The following PTK2 variants were observed in gnomAD, a reference collection of about 807,000 sequenced individuals.
PTK2 encodes the protein protein tyrosine kinase 2.
Under a neutral mutation model 150.1 loss-of-function variants are expected in PTK2, and 45 were observed. That is an observed-to-expected ratio of 0.30 (90% confidence interval 0.24 to 0.38). The LOEUF is 0.38. Ranked by LOEUF, PTK2 falls within the 10% of genes least tolerant of loss-of-function variation. The pLI, the probability that PTK2 is intolerant of heterozygous loss-of-function variation, is 1.00. For synonymous variants in PTK2, 432 were observed against 449.2 expected (o/e 0.96, Z 0.48); for missense variants, 919 against 1,307.3 (o/e 0.70, Z 4.58).
At chr8:140,744,903 G>T (rs879352837) in intron 18 of PTK2, 136 bp from the exon 22 acceptor site, 6 of 467,062 alleles carry the variant, frequency 1.3e-5, no homozygotes, top group Non-Finnish European at 1.9e-5. Context: ...ATGGCTTCAA[G>T]TCTCTTCTAA....
At chr8:140,673,686 T>G (rs56916892) in intron 29 of PTK2, among the ~76,000 whole-genome samples, 1 of 151,932 alleles carries the variant, frequency 6.6e-6, no homozygotes, top group Non-Finnish European at 1.5e-5. Context: ...TGAGGGCTGG[T>G]GGGGACCCAG....
At chr8:140,899,586 C>A (rs1288219572) in intron 2 of PTK2, among the ~76,000 whole-genome samples, 1 of 152,128 alleles carries the variant, frequency 6.6e-6, no homozygotes, top group South Asian at 2.1e-4. Flanking sequence ...GAGAATATTT[C>A]CAAAATCATT....
At chr8:140,903,162 T>C (rs11776530) in intron 2 of PTK2, among the ~76,000 whole-genome samples, 2 of 151,958 alleles carry the variant, frequency 1.3e-5, no homozygotes, top group African/African-American at 4.8e-5. Flanking sequence ...TTGTATAAGG[T>C]GTAAGGAAGG....
chr8:140,972,382 G>A (rs8180999), intron 1 of PTK2, among the ~76,000 whole-genome samples: 63,454 of 151,814 alleles, frequency 0.42, 15,179 homozygotes, highest in Non-Finnish European at 0.55. Flanking sequence ...CACCTGCCTC[G>A]GCCTCCCGAG....
At chr8:140,729,771 G>A (rs1419462820) in intron 22 of PTK2, among the ~76,000 whole-genome samples, 2 of 152,128 alleles carry the variant, frequency 1.3e-5, no homozygotes, top group African/African-American at 4.8e-5. Context: ...TAAACATCAA[G>A]GCAGTCAGTA....
chr8:140,697,037 G>C (rs375704425), intron 26 of PTK2, among the ~76,000 whole-genome samples: 2 of 151,276 alleles, frequency 1.3e-5, no homozygotes, highest in African/African-American at 4.9e-5. Flanking sequence ...GGGAGGCTGA[G>C]GTGGGAGGAC....
At chr8:140,949,005 C>T (rs1451316297) in intron 1 of PTK2, among the ~76,000 whole-genome samples, 2 of 151,710 alleles carry the variant, frequency 1.3e-5, no homozygotes, top group African/African-American at 2.4e-5. Context: ...TTTTGCCACC[C>T]GAGACAGCAA....
At chr8:140,836,693 C>A (rs1395939333) in intron 7 of PTK2, among the ~76,000 whole-genome samples, 2 of 152,246 alleles carry the variant, frequency 1.3e-5, no homozygotes, top group Admixed American at 6.5e-5. Flanking sequence ...CAAATTTATC[C>A]ATTCTAGAAA....
intron 5 of PTK2, among the ~76,000 whole-genome samples, chr8:140,851,393 G>T (rs2100129208): frequency 6.6e-6 from 1 of 152,076 alleles, no homozygotes; most frequent in Non-Finnish European, 1.5e-5. Flanking sequence ...ATATTATAGT[G>T]AATAAAACAA....
intron 31 of PTK2, among the ~76,000 whole-genome samples, chr8:140,661,887 A>G (rs536920220): frequency 1.5e-4 from 23 of 152,334 alleles, no homozygotes; most frequent in African/African-American, 5.3e-4. Context: ...CTGCCATGTG[A>G]GGAGGTGGCC....
chr8:140,797,871 G>A (rs2154592306), intron 12 of PTK2, among the ~76,000 whole-genome samples: 1 of 152,114 alleles, frequency 6.6e-6, no homozygotes, highest in East Asian at 1.9e-4. Context: ...TGTGGCCCAG[G>A]ATGGTCTCAG....
Position 140,689,864 on chromosome 8 carries a change from G to A in PTK2, c.2500-3170C>T, listed in dbSNP as rs1311873150. 2.6e-5 allele frequency among the ~76,000 whole-genome samples: 4 copies of A among 152,344 alleles called. No homozygotes were observed. In the East Asian group the frequency reaches 5.8e-4, roughly 22 times the overall value. ...CCAGCTGGGAGCTGGTTCTGCTTAGGGGTTCTGTTGAAGGGCTCTAAACAG... is the reference window on the plus strand; with the variant it reads ...CCAGCTGGGAGCTGGTTCTGCTTAGAGGTTCTGTTGAAGGGCTCTAAACAG... On this transcript the variant is annotated intron_variant, in intron 26 of 31. Coordinates refer to ENST00000522684, the Ensembl canonical transcript of PTK2.
At chr8:140,675,280 C>A in intron 28 of PTK2, 180 bp downstream of exon 31, 2 of 664,002 alleles carry the variant, frequency 3.0e-6, no homozygotes, top group East Asian at 2.9e-5. Flanking sequence ...ATTATACCAA[C>A]AAATTCTTTT....
At chr8:140,929,269 T>C (rs1303946010) in intron 1 of PTK2, among the ~76,000 whole-genome samples, 1 of 152,140 alleles carries the variant, frequency 6.6e-6, no homozygotes, top group Non-Finnish European at 1.5e-5. Context: ...CCGGCCACAA[T>C]TTTTTAACTT....
intron 26 of PTK2, among the ~76,000 whole-genome samples, chr8:140,688,111 G>C (rs981352962): frequency 2.0e-5 from 3 of 152,186 alleles, no homozygotes; most frequent in African/African-American, 7.2e-5. Context: ...ATCACTTATG[G>C]AAAAACATTC....
chr8:140,694,425 C>A (rs185402420), intron 26 of PTK2, among the ~76,000 whole-genome samples: 1 of 152,046 alleles, frequency 6.6e-6, no homozygotes, highest in African/African-American at 2.4e-5. Context: ...ATTTTTATGT[C>A]TTTTTCTAGT....
chr8:140,834,703 A>C (rs988853194), intron 7 of PTK2, among the ~76,000 whole-genome samples: 3 of 152,212 alleles, frequency 2.0e-5, no homozygotes, highest in Non-Finnish European at 4.4e-5. Flanking sequence ...CACAGTGTGA[A>C]AGGTACTATA....
At chr8:140,896,793 G>GGGGGGT (rs2100156442) in intron 2 of PTK2, among the ~76,000 whole-genome samples, 1 of 124,744 alleles carries the variant, frequency 8.0e-6, no homozygotes, top group Admixed American at 7.7e-5. Flanking sequence ...AAAAACGGGG[G>GGGGGGT]GGGGGGGTGG....
intron 2 of PTK2, among the ~76,000 whole-genome samples, chr8:140,898,149 AAG>A (rs1390700344): frequency 2.0e-5 from 3 of 152,354 alleles, no homozygotes; most frequent in Admixed American, 2.0e-4. Context: ...TTCTAGAAAA[AAG>A]AAGTTTTTTT....
Sources: allele counts gnomAD v4.1 joint callset (sites outside exome capture counted in the v4.1 genomes callset), GRCh38; gene constraint gnomAD v4.1.1; transcripts MANE v1.5; gene names NCBI Gene and HGNC (gene_info 2026-07-23, HGNC 2026-07-21).